Variants in CLSTN2 observed in about 807,000 individuals in gnomAD.
The protein encoded by CLSTN2 is calsyntenin-2.
A neutral mutation model predicts 101.2 loss-of-function variants in CLSTN2; 48 were observed. The observed-to-expected ratio is 0.47, with a 90% CI of 0.38 to 0.60. The LOEUF is 0.60. Among genes scored for constraint, CLSTN2 ranks in the 20% least tolerant of loss-of-function variants. The pLI is 0.00. For synonymous variants in CLSTN2, 481 were observed against 463.6 expected (o/e 1.04, Z -0.48); for missense variants, 1,160 against 1,238.2 (o/e 0.94, Z 0.95).
chr3:140,369,961 G>C (rs1018230976), intron 2 of CLSTN2, among the ~76,000 whole-genome samples: 5 of 152,224 alleles, frequency 3.3e-5, no homozygotes, highest in African/African-American at 1.2e-4. Context: ...TTACAATGGA[G>C]ACTAATTAGG....
chr3:140,466,568 C>T lies in CLSTN2; in HGVS notation c.1223-42C>T, dbSNP rs758889618. 11 of 1,613,082 alleles carry T rather than the reference C, an allele frequency of 6.8e-6. No homozygotes were observed. In the South Asian group the frequency reaches 8.8e-5, roughly 13 times the overall value. On this transcript the variant is annotated intron_variant, in intron 7 of 16. Transcript: ENST00000458420. ...AAGACTCCTCTGGTGGAGGCTGACA[C>T]AGGGGTTCTCTCACTCTTCAAACCT...
chr3:140,360,027 C>CACAT (rs1553736151), intron 2 of CLSTN2, among the ~76,000 whole-genome samples: 18 of 145,396 alleles, frequency 1.2e-4, no homozygotes, highest in African/African-American at 4.6e-4. Context: ...CACACACACA[C>CACAT]ATATATATAT....
chr3:140,287,329 C>T (rs944843767), intron 2 of CLSTN2, among the ~76,000 whole-genome samples: 4 of 152,056 alleles, frequency 2.6e-5, no homozygotes, highest in African/African-American at 9.7e-5. Context: ...AAAATGCAAA[C>T]TTATCTCTCA....
At chr3:140,362,543 A>G (rs989784499) in intron 2 of CLSTN2, among the ~76,000 whole-genome samples, 3 of 152,154 alleles carry the variant, frequency 2.0e-5, no homozygotes, top group African/African-American at 7.2e-5. Flanking sequence ...AGACTTGGAG[A>G]AAAAAACGTA....
intron 2 of CLSTN2, among the ~76,000 whole-genome samples, chr3:140,261,592 G>A (rs577371402): frequency 4.6e-5 from 7 of 151,266 alleles, no homozygotes; most frequent in Non-Finnish European, 8.9e-5. Flanking sequence ...TGGGTGCTAC[G>A]TGTACTTGCT....
chr3:139,961,446 C>T (rs1935509466), intron 1 of CLSTN2, among the ~76,000 whole-genome samples: 1 of 152,100 alleles, frequency 6.6e-6, no homozygotes, highest in Admixed American at 6.5e-5. Context: ...CCTCTGTCTT[C>T]AGGAAGCTCA....
intron 1 of CLSTN2, among the ~76,000 whole-genome samples, chr3:140,125,618 A>G (rs935980168): frequency 1.3e-4 from 20 of 152,162 alleles, no homozygotes; most frequent in Non-Finnish European, 2.9e-4. Context: ...AACTAATCAC[A>G]TGGGGAGTGA....
rs774467244 is a variant in CLSTN2 at position 140,242,053 on chromosome 3, G to A, written c.232+65980G>A. ...CTCCTGAGTAGCTGGGATTAGAGGC[G>A]CCCGCCACCATGCCTGGCTGGCTAA... On this transcript the variant is annotated intron_variant, in intron 2 of 16. Transcript: ENST00000458420. Among the ~76,000 whole-genome samples, 75 of 151,844 alleles carry A rather than the reference G, an allele frequency of 4.9e-4. 1 individual carries two copies. Among genetic ancestry groups the A allele is most frequent in the East Asian group, 1.9e-4 (1 of 5,142 alleles).
At chr3:139,995,700 C>T (rs1353286317) in intron 1 of CLSTN2, among the ~76,000 whole-genome samples, 3 of 152,050 alleles carry the variant, frequency 2.0e-5, no homozygotes, top group African/African-American at 7.2e-5. Flanking sequence ...AGAGTGGTTG[C>T]AGGATTAAGG....
rs11422400 is a variant in CLSTN2 at position 140,427,173 on chromosome 3, CAAA to C, written c.787+5909_787+5911del. Among the ~76,000 whole-genome samples, 536 of 89,512 alleles carry C rather than the reference CAAA, an allele frequency of 6.0e-3. 1 individual carries two copies. The highest frequency in any genetic ancestry group is 0.011 in the South Asian group (32 of 2,856). The allele number at this position is 89,512 out of a possible 152,430, so 58.7% of individuals were successfully genotyped here. ...CCTGGGCGACAGAGTGAGACTGTCT[CAAA>C]AAAAAAAAATATATATATATATATA... On this transcript the variant is annotated intron_variant, in intron 5 of 16. Transcript: ENST00000458420.
chr3:140,307,870 A>G (rs920483941), intron 2 of CLSTN2, among the ~76,000 whole-genome samples: 2 of 152,234 alleles, frequency 1.3e-5, no homozygotes, highest in Non-Finnish European at 2.9e-5. Context: ...AATTAACAAT[A>G]CATTTCATTT....
intron 2 of CLSTN2, among the ~76,000 whole-genome samples, chr3:140,277,659 T>A (rs2086807171): frequency 1.3e-5 from 2 of 152,134 alleles, no homozygotes; most frequent in Admixed American, 1.3e-4. Context: ...TAGATTTGTT[T>A]CCCCTACCAG....
intron 2 of CLSTN2, among the ~76,000 whole-genome samples, chr3:140,282,455 C>T (rs560197623): frequency 1.3e-5 from 2 of 152,274 alleles, no homozygotes; most frequent in East Asian, 3.9e-4. Flanking sequence ...CAGTTTACTG[C>T]TGCATATAGA....
intron 2 of CLSTN2, among the ~76,000 whole-genome samples, chr3:140,355,699 G>A (rs114063156): frequency 6.6e-4 from 101 of 152,294 alleles, no homozygotes; most frequent in African/African-American, 2.0e-3. Context: ...AAGAAGGCAG[G>A]CTCATAGCAC....
chr3:140,192,054 C>A lies in CLSTN2; in HGVS notation c.232+15981C>A, dbSNP rs2010572944. ...GTTTGTATTCAGTTATATGTACTAG[C>A]TTATTTCCACTGAGACTTCTCTTTT... On this transcript the variant is annotated intron_variant, in intron 2 of 16. Coordinates refer to ENST00000458420, the MANE Select transcript of CLSTN2 (RefSeq NM_022131.3). Among the ~76,000 whole-genome samples the A allele has an allele frequency of 2.0e-5, 3 of 151,908 alleles. No homozygotes were observed. The South Asian group carries it at 6.2e-4, about 32-fold the overall frequency.
chr3:140,388,851 G>C (rs2088081567), intron 2 of CLSTN2, among the ~76,000 whole-genome samples: 1 of 152,170 alleles, frequency 6.6e-6, no homozygotes, highest in Admixed American at 6.5e-5. Context: ...GTTAGCTGTA[G>C]GTTTCTCATA....
intron 8 of CLSTN2, among the ~76,000 whole-genome samples, chr3:140,496,654 TGA>T (rs1247645283): frequency 6.6e-6 from 1 of 152,168 alleles, no homozygotes; most frequent in Non-Finnish European, 1.5e-5. Context: ...TCTAGTTTAT[TGA>T]GAGTTTTTAA....
chr3:140,485,450 G>A (rs928155445), intron 8 of CLSTN2, among the ~76,000 whole-genome samples: 2 of 152,218 alleles, frequency 1.3e-5, no homozygotes, highest in Admixed American at 6.5e-5. Context: ...ATCTCAAGCT[G>A]TGTGCTGGGA....
intron 8 of CLSTN2, among the ~76,000 whole-genome samples, chr3:140,530,406 T>C (rs1454309061): frequency 6.6e-6 from 1 of 152,240 alleles, no homozygotes; most frequent in East Asian, 1.9e-4. Flanking sequence ...TGAGAATCAC[T>C]GTTTTTATGC....
Sources: allele counts gnomAD v4.1 joint callset (sites outside exome capture counted in the v4.1 genomes callset), GRCh38; gene constraint gnomAD v4.1.1; transcripts MANE v1.5; gene names NCBI Gene and HGNC (gene_info 2026-07-23, HGNC 2026-07-21).